The following COCH variants were observed in gnomAD, a reference collection of about 807,000 sequenced individuals.
COCH encodes the protein cochlin.
A neutral mutation model predicts 54.8 loss-of-function variants in COCH; 40 were observed. That is an observed-to-expected ratio of 0.73 (90% CI 0.57 to 0.95). The LOEUF is 0.95. Among genes scored for constraint, COCH ranks in the 40% least tolerant of loss-of-function variants. The pLI, the probability that COCH is intolerant of heterozygous loss-of-function variation, is 0.00. For missense variants in COCH, 605 were observed against 675.0 expected (o/e 0.90, Z 1.15); for synonymous variants, 256 against 237.9 (o/e 1.08, Z -0.70).
intron 3 of COCH, 51 bp downstream of exon 3, chr14:30,875,154 AGC>A: frequency 6.5e-7 from 1 of 1,539,156 alleles, no homozygotes. Flanking sequence ...GCTGAGCACC[AGC>A]GGGTACAAGC....
At chr14:30,883,079 C>A (rs1322278934) in intron 8 of COCH, among the ~76,000 whole-genome samples, 1 of 152,090 alleles carries the variant, frequency 6.6e-6, no homozygotes, top group Non-Finnish European at 1.5e-5. Flanking sequence ...GAAAATTTAA[C>A]TGTTTTAACA....
downstream of COCH, among the ~76,000 whole-genome samples, chr14:30,893,536 T>C (rs1042520009): frequency 3.3e-5 from 5 of 152,218 alleles, no homozygotes; most frequent in South Asian, 8.3e-4. Flanking sequence ...GGAACAGGTA[T>C]GGCAAATAGA....
rs1264007927 is a variant in COCH, at chr14:30,886,432, T to C, written c.1477+120T>C. ...AAACACCTGTGGCTTTACCCAATAT[T>C]AACTGTTAAAGCAGCCCTACTCATC... On this transcript the variant is annotated intron_variant, in intron 11 of 11. Transcript: ENST00000396618. 5 of 1,075,866 alleles carry C rather than the reference T, an allele frequency of 4.6e-6. No individual in the cohort carries two copies. In the African/African-American group the frequency reaches 7.9e-5, roughly 17 times the overall value. The allele number at this position is 1,075,866 out of a possible 1,614,324, so 66.6% of individuals were successfully genotyped here.
Position 30,889,773 on chromosome 14 carries a change from C to CT in COCH, c.1637dup (p.Leu546PhefsTer11). On this transcript the variant is annotated frameshift_variant, in exon 12 of 12. Transcript: ENST00000396618. LOFTEE classifies it high-confidence loss of function. ...TCATCAGAGGCATTTGTAGAGATTT[C>CT]TTAGAATCCCAGCAATAATGGTAAC... 3 of 1,609,624 alleles carry CT rather than the reference C, an allele frequency of 1.9e-6. No homozygotes were observed. The highest frequency in any genetic ancestry group is 2.6e-6 in the Non-Finnish European group (3 of 1,176,366).
chr14:30,892,907 G>A (rs1037255259), downstream of COCH, among the ~76,000 whole-genome samples: 5 of 151,924 alleles, frequency 3.3e-5, no homozygotes, highest in African/African-American at 9.7e-5. Context: ...AAATTTCTCA[G>A]TGTACAATGT....
In COCH at chr14:30,885,888, C is replaced by T; in HGVS notation, c.1053C>T (p.Cys351=). 1 of 1,614,132 alleles carries T rather than the reference C, an allele frequency of 6.2e-7. No individual in the cohort carries two copies. The highest frequency in any genetic ancestry group is 8.5e-7 in the Non-Finnish European group (1 of 1,179,986). Residue 351 remains cysteine, a synonymous_variant, in exon 11 of 12, where the codon TGC becomes TGT. Transcript: ENST00000396618. ...KYVKPLVQKL[C]THEQMMCSKT... ...TAAAGCCTCTGGTACAGAAGCTGTG[C>T]ACTCATGAACAAATGATGTGCAGCA...
chr14:30,877,180 G>A lies in COCH; in HGVS notation c.83-392G>A, dbSNP rs889377919. On this transcript the variant is annotated intron_variant, in intron 3 of 11. Transcript: ENST00000396618. The surrounding 1 kb of genome is among the most constrained non-coding windows in gnomAD (Gnocchi z 8.6). ...CTAGTTCAGATATAGTTCCAATTAT[G>A]TATTTCCAACCTGGTTAAGAACTGA... is the stretch of plus-strand genomic sequence containing the variant. 6.6e-6 allele frequency among the ~76,000 whole-genome samples: 1 copy of A among 152,028 alleles called. No homozygotes were observed. The highest frequency in any genetic ancestry group is 2.4e-5 in the African/African-American group (1 of 41,384).
chr14:30,895,219 C>T, downstream of COCH: 1 of 614,538 alleles, frequency 1.6e-6, no homozygotes. Flanking sequence ...CTTTGTCCCA[C>T]AAAATACAGT....
intron 8 of COCH, among the ~76,000 whole-genome samples, chr14:30,883,602 C>T (rs780190840): frequency 1.8e-4 from 27 of 152,286 alleles, no homozygotes; most frequent in Non-Finnish European, 3.2e-4. Context: ...TGCAGAAATA[C>T]AGTCAGTGTT....
downstream of COCH, among the ~76,000 whole-genome samples, chr14:30,892,527 CG>C (rs1402451376): frequency 6.6e-6 from 1 of 152,146 alleles, no homozygotes; most frequent in African/African-American, 2.4e-5. Context: ...TTGCTGGGCA[CG>C]GTGGCTCACG....
Position 30,886,013 on chromosome 14 carries a change from T to C in COCH, c.1178T>C (p.Ile393Thr). 2 of 1,614,248 alleles carry C rather than the reference T, an allele frequency of 1.2e-6. No homozygotes were observed. The highest frequency in any genetic ancestry group is 1.3e-5 in the African/African-American group (1 of 75,060). ...CTCATGCTTGAATTTGTTTCCAACA[T>C]AGCCAAGACTTTTGAAATCTCGGAC... is the stretch of plus-strand genomic sequence containing the variant. The part of the protein sequence containing the change: ...FRLMLEFVSN[I>T]AKTFEISDIG... Residue 393 changes from isoleucine (I) to threonine (T), a missense_variant, in exon 11 of 12, where the codon ATA (isoleucine) becomes ACA (threonine). By Grantham distance (89) the Ile-to-Thr change is moderately conservative (BLOSUM62 -1). Coordinates refer to ENST00000396618, the MANE Select transcript of COCH (RefSeq NM_004086.3).
intron 3 of COCH, chr14:30,875,306 G>GC: frequency 1.3e-6 from 1 of 744,124 alleles, no homozygotes; most frequent in Admixed American, 2.8e-5. Context: ...ATGGTAGGGG[G>GC]CCCCTGGGGT....
chr14:30,891,418 T>C (rs1389260059), downstream of COCH, among the ~76,000 whole-genome samples: 1 of 152,200 alleles, frequency 6.6e-6, no homozygotes, highest in Non-Finnish European at 1.5e-5. Flanking sequence ...TTCTGAGTCT[T>C]ACAATTTTAT....
Position 30,885,792 on chromosome 14 carries a change from T to C in COCH, c.961-4T>C, listed in dbSNP as rs758491902. On this transcript the variant is annotated splice_region_variant and splice_polypyrimidine_tract_variant and intron_variant, in intron 10 of 11. Transcript: ENST00000396618. ...GGATATCTTTTATGTGTCTCCCCCA[T>C]TAGGCTGTCTGTCGGAATAATGGCT... 4 of 1,613,878 alleles carry C rather than the reference T, an allele frequency of 2.5e-6. No individual in the cohort carries two copies. The highest frequency in any genetic ancestry group is 3.4e-6 in the Non-Finnish European group (4 of 1,179,986).
At position 30,886,073 on chromosome 14, in the gene COCH, A is replaced by C; in HGVS notation, c.1238A>C (p.Tyr413Ser). ...GAKIAAVQFT[Y>S]DQRTEFSFTD... is the part of the protein sequence containing the mutation. The stretch of plus-strand genomic sequence containing the variant: ...AAGATAGCTGCTGTACAGTTTACTT[A>C]TGATCAGCGCACGGAGTTCAGTTTC... Residue 413 changes from tyrosine (Y) to serine (S), a missense_variant, in exon 11 of 12, where the codon TAT becomes TCT. Coordinates refer to ENST00000396618, the MANE Select transcript of COCH (RefSeq NM_004086.3). 1 of 1,614,250 alleles carries C rather than the reference A, an allele frequency of 6.2e-7. No individual in the cohort carries two copies. The highest frequency in any genetic ancestry group is 2.2e-5 in the East Asian group (1 of 44,886).
Position 30,877,825 on chromosome 14 carries a change from CTT to C in COCH, c.239+100_239+101del. ...GATCCCTTTCCTCCCTGCATTCTTT[CTT>C]TTGTTGCCATTGTGGCCACAGAAAA... is the stretch of plus-strand genomic sequence containing the variant. On this transcript the variant is annotated intron_variant, in intron 4 of 11. Transcript: ENST00000396618. The surrounding 1 kb of genome is among the most constrained non-coding windows in gnomAD (Gnocchi z 8.6). 1 of 1,580,710 alleles carries C rather than the reference CTT, an allele frequency of 6.3e-7. No homozygotes were observed. The highest frequency in any genetic ancestry group is 8.6e-7 in the Non-Finnish European group (1 of 1,164,040).
downstream of COCH, chr14:30,894,899 T>G (rs750381318): frequency 9.5e-7 from 1 of 1,053,218 alleles, no homozygotes; most frequent in African/African-American, 1.7e-5. Flanking sequence ...TTTTCTTTTT[T>G]TTTTTTTTTA....
chr14:30,883,036 CTTAGA>C (rs781663994), intron 8 of COCH, among the ~76,000 whole-genome samples: 4 of 152,134 alleles, frequency 2.6e-5, no homozygotes, highest in Non-Finnish European at 5.9e-5. Context: ...TGGCTCTGCT[CTTAGA>C]TTAGATAGAA....
In COCH at chr14:30,889,780, T is replaced by C; in HGVS notation, c.1642T>C (p.Ser548Pro). Residue 548 changes from serine to proline, a missense_variant, in exon 12 of 12, where the codon TCC (serine) becomes CCC (proline). Ser to Pro is a moderately conservative substitution (Grantham distance 74, BLOSUM62 -1). Transcript: ENST00000396618. ...AGGCATTTGTAGAGATTTCTTAGAA[T>C]CCCAGCAATAATGGTAACATTTTGA... ...IRGICRDFLESQQ is the reference protein window; with the variant it reads ...IRGICRDFLEPQQ The C allele has an allele frequency of 6.2e-7, 1 of 1,609,562 alleles. No individual in the cohort carries two copies. The highest frequency in any genetic ancestry group is 8.5e-7 in the Non-Finnish European group (1 of 1,176,300).
Sources: allele counts gnomAD v4.1 joint callset (sites outside exome capture counted in the v4.1 genomes callset), GRCh38; gene constraint gnomAD v4.1.1; non-coding constraint Gnocchi (gnomAD v3.1); transcripts MANE v1.5; gene names NCBI Gene and HGNC (gene_info 2026-07-23, HGNC 2026-07-21).